Variants in SMIM36 observed in about 807,000 individuals in gnomAD.
SMIM36 encodes small integral membrane protein 36.
chr17:55,478,487 C>T (rs982340128), intron 3 of SMIM36, among the ~76,000 whole-genome samples: 1 of 152,112 alleles, frequency 6.6e-6, no homozygotes, highest in Non-Finnish European at 1.5e-5. Flanking sequence ...GCCTTGACTT[C>T]CTAGAGAGCT....
chr17:55,521,324 C>G, the SMIM36 span, among the ~76,000 whole-genome samples: 6 of 152,150 alleles, frequency 3.9e-5, no homozygotes, highest in Non-Finnish European at 7.4e-5. Context: ...AGAACCCTTA[C>G]AAAAAATAAT....
At chr17:55,468,063 T>C (rs2035684487) in intron 3 of SMIM36, 1 of 152,258 alleles carries the variant, frequency 6.6e-6, no homozygotes, top group African/African-American at 2.4e-5. Context: ...TACAAAACTG[T>C]CCCACTCCTA....
At chr17:55,521,031 G>C in the SMIM36 span, among the ~76,000 whole-genome samples, 2 of 152,132 alleles carry the variant, frequency 1.3e-5, no homozygotes. Context: ...GCTGAGGCAG[G>C]AGAATCTCTT....
Position 55,496,275 on chromosome 17 carries a change from C to T in SMIM36, c.*174+14604G>A, listed in dbSNP as rs146556407. 2.5e-3 allele frequency among the ~76,000 whole-genome samples: 384 copies of T among 152,204 alleles called. 1 individual carries two copies. Among genetic ancestry groups the T allele is most frequent in the African/African-American group, 8.6e-3 (357 of 41,526 alleles). On this transcript the variant is annotated intron_variant, in intron 1 of 4. Coordinates refer to ENST00000636752, the Ensembl canonical transcript of SMIM36. The stretch of plus-strand genomic sequence containing the variant: ...AGTGTCTCCTGAGCTTTGTATTGTA[C>T]GCCTGTCAACTTCAAATTGCAGTTG...
chr17:55,512,303 A>G (rs189539608), upstream of SMIM36, among the ~76,000 whole-genome samples: 10 of 152,346 alleles, frequency 6.6e-5, no homozygotes, highest in East Asian at 1.7e-3. Context: ...TGGAGCATAA[A>G]GAGAATGGGA....
At chr17:55,475,548 C>G (rs1468657790) in intron 3 of SMIM36, among the ~76,000 whole-genome samples, 1 of 152,168 alleles carries the variant, frequency 6.6e-6, no homozygotes. Flanking sequence ...CCTTGACTTA[C>G]TCACTGCTGA....
At chr17:55,521,606 T>G in the SMIM36 span, among the ~76,000 whole-genome samples, 1 of 152,232 alleles carries the variant, frequency 6.6e-6, no homozygotes, top group Non-Finnish European at 1.5e-5. Context: ...TTATATAATG[T>G]TAGTGTTCAT....
intron 1 of SMIM36, among the ~76,000 whole-genome samples, chr17:55,499,840 C>A (rs930395513): frequency 3.3e-5 from 5 of 152,092 alleles, no homozygotes; most frequent in East Asian, 1.9e-4. Context: ...TTAGGTGGAA[C>A]CTTGCAGTTG....
At chr17:55,510,488 T>C (rs8067728) in intron 1 of SMIM36, among the ~76,000 whole-genome samples, 27,111 of 151,960 alleles carry the variant, frequency 0.18, 5,232 homozygotes, top group African/African-American at 0.48. Flanking sequence ...CCTAGCTACA[T>C]GGGAGGCTGA....
the SMIM36 span, among the ~76,000 whole-genome samples, chr17:55,518,524 T>C: frequency 5.3e-5 from 8 of 152,206 alleles, no homozygotes; most frequent in Admixed American, 5.2e-4. Context: ...TTTGAGATTT[T>C]GCTAAAATTA....
chr17:55,457,258 G>C (rs1909040854), intron 4 of SMIM36, among the ~76,000 whole-genome samples: 1 of 151,840 alleles, frequency 6.6e-6, no homozygotes, highest in Admixed American at 6.6e-5. Flanking sequence ...GACCATCCTG[G>C]CCAATATGGT....
chr17:55,459,987 G>C (rs979108042), intron 4 of SMIM36, among the ~76,000 whole-genome samples: 8 of 152,068 alleles, frequency 5.3e-5, no homozygotes, highest in African/African-American at 1.9e-4. Context: ...GTGAGACCCT[G>C]TTTCTCAAAT....
At chr17:55,468,728 C>A (rs1255881700) in intron 3 of SMIM36, among the ~76,000 whole-genome samples, 2 of 152,172 alleles carry the variant, frequency 1.3e-5, no homozygotes, top group African/African-American at 4.8e-5. Context: ...TATGGGCAAA[C>A]TTCCGCCCTC....
At chr17:55,462,638 C>A (rs1214650129) in intron 4 of SMIM36, among the ~76,000 whole-genome samples, 1 of 151,998 alleles carries the variant, frequency 6.6e-6, no homozygotes, top group South Asian at 2.1e-4. Context: ...TAAATACATA[C>A]AAATTTTTAA....
chr17:55,501,954 A>G (rs1009055314), intron 1 of SMIM36, among the ~76,000 whole-genome samples: 1 of 148,772 alleles, frequency 6.7e-6, no homozygotes, highest in Non-Finnish European at 1.5e-5. Context: ...AGTCAAAGAA[A>G]GGGGTGACGG....
chr17:55,460,455 A>AAAAAAC (rs1909125760), intron 4 of SMIM36, among the ~76,000 whole-genome samples: 4 of 148,804 alleles, frequency 2.7e-5, no homozygotes, highest in African/African-American at 5.0e-5. Context: ...AACAAAACAA[A>AAAAAAC]AAAAAAGAAC....
chr17:55,513,984 T>A (rs1002991658), upstream of SMIM36, among the ~76,000 whole-genome samples: 2 of 152,176 alleles, frequency 1.3e-5, no homozygotes, highest in African/African-American at 4.8e-5. Flanking sequence ...TTATTTCTAT[T>A]AGCAGAGAGT....
At position 55,476,877 on chromosome 17, in the gene SMIM36, C is replaced by G. The variant is rs192496145; in HGVS notation, c.*347+1885G>C. Among the ~76,000 whole-genome samples, 1,282 of 152,292 alleles carry G rather than the reference C, an allele frequency of 8.4e-3. 23 individuals are homozygous for G. The highest frequency in any genetic ancestry group is 0.029 in the African/African-American group (1,206 of 41,570). The stretch of plus-strand genomic sequence containing the variant: ...CCACCATGCCCGGCCAAGATGATCA[C>G]TATTTTTTAGGATTGTCTCTGCTAC... On this transcript the variant is annotated intron_variant, in intron 3 of 4. Transcript: ENST00000636752.
chr17:55,509,840 A>G (rs1322089002), intron 1 of SMIM36, among the ~76,000 whole-genome samples: 1 of 152,178 alleles, frequency 6.6e-6, no homozygotes, highest in African/African-American at 2.4e-5. Context: ...ACCATTCAAC[A>G]TCAACAAAGA....
Sources: allele counts gnomAD v4.1 joint callset (sites outside exome capture counted in the v4.1 genomes callset), GRCh38; gene constraint gnomAD v4.1.1; transcripts MANE v1.5; gene names NCBI Gene and HGNC (gene_info 2026-07-23, HGNC 2026-07-21).